The following EPHA6 variants were observed in gnomAD, a reference collection of about 807,000 sequenced individuals.
EPHA6 encodes ephrin type-A receptor 6.
Under a neutral mutation model 112.0 loss-of-function variants are expected in EPHA6, and 50 were observed. That is an observed-to-expected ratio of 0.45 (90% CI 0.36 to 0.56). EPHA6 has a LOEUF of 0.56. Among genes scored for constraint, EPHA6 ranks in the 20% least tolerant of loss-of-function variants. EPHA6 has a pLI of 0.00. For synonymous variants in EPHA6, 529 were observed against 490.7 expected (o/e 1.08, Z -1.03); for missense variants, 1,280 against 1,417.4 (o/e 0.90, Z 1.56).
At chr3:97,329,408 G>T (rs1007377530) in intron 5 of EPHA6, among the ~76,000 whole-genome samples, 7 of 150,674 alleles carry the variant, frequency 4.6e-5, no homozygotes, top group Non-Finnish European at 8.8e-5. Flanking sequence ...TTCCACAATG[G>T]TTGAACTAGT....
chr3:97,446,285 C>T (rs2090343202), intron 6 of EPHA6, among the ~76,000 whole-genome samples: 1 of 151,986 alleles, frequency 6.6e-6, no homozygotes, highest in African/African-American at 2.4e-5. Flanking sequence ...CAGCACTCAC[C>T]GGTAGTGAGT....
chr3:97,143,499 A>G (rs557806271), intron 3 of EPHA6, among the ~76,000 whole-genome samples: 6 of 151,838 alleles, frequency 4.0e-5, no homozygotes, highest in African/African-American at 1.4e-4. Flanking sequence ...TGATCCAGCA[A>G]AAGTAGGAGG....
intron 3 of EPHA6, among the ~76,000 whole-genome samples, chr3:97,128,137 C>T (rs576009400): frequency 6.6e-6 from 1 of 152,266 alleles, no homozygotes; most frequent in South Asian, 2.1e-4. Flanking sequence ...TGAGTTACTT[C>T]ACTTAAAATA....
chr3:97,541,859 T>A (rs1026556800), intron 11 of EPHA6, among the ~76,000 whole-genome samples: 2 of 151,796 alleles, frequency 1.3e-5, no homozygotes, highest in Non-Finnish European at 2.9e-5. Context: ...AGGGTTCTCT[T>A]AGAAGGACAG....
intron 3 of EPHA6, among the ~76,000 whole-genome samples, chr3:97,110,578 G>A (rs1007796540): frequency 6.6e-6 from 1 of 152,052 alleles, no homozygotes; most frequent in Non-Finnish European, 1.5e-5. Flanking sequence ...AGGCTGGAGT[G>A]CAGTGGTGCA....
intron 14 of EPHA6, chr3:97,646,323 G>GAGCC (rs2094062607): frequency 1.3e-6 from 2 of 1,489,522 alleles, no homozygotes; most frequent in Middle Eastern, 1.7e-4. Context: ...GAGTCTTTCA[G>GAGCC]AGCCCCGTTT....
At chr3:97,263,287 C>T (rs2079559346) in intron 5 of EPHA6, among the ~76,000 whole-genome samples, 1 of 151,970 alleles carries the variant, frequency 6.6e-6, no homozygotes, top group African/African-American at 2.4e-5. Context: ...GAAATAAATT[C>T]ATTGATATAT....
intron 9 of EPHA6, chr3:97,481,633 C>T (rs2091553158): frequency 4.5e-6 from 2 of 441,098 alleles, no homozygotes; most frequent in Admixed American, 6.7e-5. Context: ...CCTAGGCCCG[C>T]CGCTTGGAGA....
intron 11 of EPHA6, among the ~76,000 whole-genome samples, chr3:97,536,621 C>T (rs973515085): frequency 6.6e-6 from 1 of 152,164 alleles, no homozygotes; most frequent in African/African-American, 2.4e-5. Flanking sequence ...TCTGGAGAGG[C>T]AGAGTGGGTC....
At chr3:97,715,528 G>A (rs1037470291) in intron 14 of EPHA6, among the ~76,000 whole-genome samples, 5 of 152,112 alleles carry the variant, frequency 3.3e-5, no homozygotes, top group African/African-American at 7.2e-5. Flanking sequence ...TATTCAAACC[G>A]TTCACCTTCA....
intron 1 of EPHA6, among the ~76,000 whole-genome samples, chr3:96,865,501 G>A (rs1163384664): frequency 6.6e-6 from 1 of 151,796 alleles, no homozygotes; most frequent in Non-Finnish European, 1.5e-5. Flanking sequence ...GCATAGCATA[G>A]TAAGACCTTG....
At chr3:96,956,896 G>C (rs1309012542) in intron 2 of EPHA6, among the ~76,000 whole-genome samples, 1 of 151,866 alleles carries the variant, frequency 6.6e-6, no homozygotes. Context: ...AGTTGGGTGT[G>C]GTGATACGTG....
intron 7 of EPHA6, among the ~76,000 whole-genome samples, chr3:97,464,757 C>T (rs1054213595): frequency 1.3e-5 from 2 of 152,054 alleles, no homozygotes; most frequent in Non-Finnish European, 2.9e-5. Flanking sequence ...TATTGAACTG[C>T]GTAGCTCTGC....
intron 8 of EPHA6, among the ~76,000 whole-genome samples, chr3:97,475,860 G>C (rs1015811920): frequency 1.3e-5 from 2 of 151,722 alleles, no homozygotes; most frequent in Non-Finnish European, 2.9e-5. Flanking sequence ...TATTGAAACT[G>C]TCTATGTTAG....
At chr3:97,141,569 A>G (rs1485062565) in intron 3 of EPHA6, among the ~76,000 whole-genome samples, 1 of 152,110 alleles carries the variant, frequency 6.6e-6, no homozygotes, top group Non-Finnish European at 1.5e-5. Context: ...GAAACTAAGC[A>G]GATTGCTTCT....
At chr3:97,490,877 G>T (rs2091821112) in intron 10 of EPHA6, among the ~76,000 whole-genome samples, 1 of 152,190 alleles carries the variant, frequency 6.6e-6, no homozygotes, top group Admixed American at 6.5e-5. Flanking sequence ...CTGAAGGTCA[G>T]CTGGGCAAGG....
chr3:97,176,153 A>AC (rs1380647698), intron 3 of EPHA6, among the ~76,000 whole-genome samples: 4 of 151,890 alleles, frequency 2.6e-5, no homozygotes, highest in Non-Finnish European at 5.9e-5. Flanking sequence ...ATCAATTGAA[A>AC]TGATTATGAT....
At chr3:97,105,503 A>G (rs1353305819) in intron 3 of EPHA6, among the ~76,000 whole-genome samples, 1 of 152,074 alleles carries the variant, frequency 6.6e-6, no homozygotes, top group East Asian at 1.9e-4. Context: ...CTATTGGACT[A>G]TTGTCCAATA....
rs112977537 is a variant in EPHA6 at position 97,527,233 on chromosome 3, G to A, written c.2201-5125G>A. Among the ~76,000 whole-genome samples the A allele has an allele frequency of 3.8e-3, 583 of 152,146 alleles. 7 individuals carry two copies. The highest frequency in any genetic ancestry group is 5.7e-3 in the Non-Finnish European group (386 of 67,990). The stretch of plus-strand genomic sequence containing the variant: ...AAACGGAGCTGTAACTAAACCCTTT[G>A]GAAAATGGGGTTATTTATGGGTCTG... On this transcript the variant is annotated intron_variant, in intron 10 of 17. Coordinates refer to ENST00000389672, the MANE Select transcript of EPHA6 (RefSeq NM_001080448.3).
Sources: gnomAD v4.1 joint callset for allele counts (sites outside exome capture counted in the v4.1 genomes callset) on GRCh38, gnomAD v4.1.1 for gene constraint, MANE v1.5 for transcripts, NCBI Gene and HGNC (gene_info 2026-07-23, HGNC 2026-07-21) for gene names.